The following CCDC102B variants were observed in gnomAD, a reference collection of about 807,000 sequenced individuals.
CCDC102B encodes coiled-coil domain-containing protein 102B.
CCDC102B carries 75 observed loss-of-function variants against 57.4 expected under a neutral mutation model. The observed-to-expected ratio is 1.31, with a 90% CI of 1.08 to 1.58. The LOEUF is 1.58. CCDC102B is among the 40% of genes most tolerant of loss of function. The pLI, the probability that CCDC102B is intolerant of heterozygous loss-of-function variation, is 0.00. For missense variants in CCDC102B, 636 were observed against 582.6 expected, an observed-to-expected ratio of 1.09 and a Z score of -0.94; for synonymous variants, 206 against 201.9, an observed-to-expected ratio of 1.02 and a Z score of -0.17.
chr18:68,932,476 T>TA (rs1176724692), intron 6 of CCDC102B, among the ~76,000 whole-genome samples: 1 of 151,918 alleles, frequency 6.6e-6, no homozygotes, highest in Non-Finnish European at 1.5e-5. Context: ...ATTATGTTGA[T>TA]AAAGATCATA....
intron 6 of CCDC102B, among the ~76,000 whole-genome samples, chr18:68,947,824 A>G (rs925175757): frequency 5.3e-5 from 8 of 152,094 alleles, no homozygotes; most frequent in African/African-American, 1.9e-4. Flanking sequence ...TTCTCTTCTC[A>G]TTCTGGTAAG....
At chr18:68,933,966 T>C (rs558375293) in intron 6 of CCDC102B, among the ~76,000 whole-genome samples, 1 of 151,966 alleles carries the variant, frequency 6.6e-6, no homozygotes, top group East Asian at 1.9e-4. Context: ...TAACAAAAAT[T>C]AGGCTTCCTT....
chr18:68,970,174 A>G (rs980122463), intron 6 of CCDC102B, among the ~76,000 whole-genome samples: 3 of 152,074 alleles, frequency 2.0e-5, no homozygotes, highest in African/African-American at 7.2e-5. Flanking sequence ...CCTGTATCTC[A>G]AATAGTAAAC....
chr18:68,896,771 T>G (rs1358083221), intron 5 of CCDC102B, among the ~76,000 whole-genome samples: 1 of 151,884 alleles, frequency 6.6e-6, no homozygotes, highest in Non-Finnish European at 1.5e-5. Context: ...GATAGAGAGA[T>G]AGAGAGATAG....
At chr18:68,874,170 A>ATGTG (rs34176363) in intron 4 of CCDC102B, among the ~76,000 whole-genome samples, 79 of 138,332 alleles carry the variant, frequency 5.7e-4, no homozygotes, top group African/African-American at 1.8e-3. Flanking sequence ...GTGTGTGTGT[A>ATGTG]TGTGTGTGTG....
chr18:68,870,400 C>A (rs776449439), intron 4 of CCDC102B, among the ~76,000 whole-genome samples: 16 of 152,282 alleles, frequency 1.1e-4, no homozygotes, highest in Non-Finnish European at 2.2e-4. Flanking sequence ...GACCCTTGAT[C>A]TCCCACGCTC....
At chr18:68,954,947 C>T (rs1278562881) in intron 6 of CCDC102B, among the ~76,000 whole-genome samples, 1 of 152,136 alleles carries the variant, frequency 6.6e-6, no homozygotes. Flanking sequence ...TGCTGTCTTA[C>T]AACAATGACA....
In CCDC102B at chr18:68,849,383, A is replaced by G. The variant is rs1027583479; in HGVS notation, c.936+2962A>G. ...CTTATTGCTATTCCTGTGGCTTAAA[A>G]AATTATTCCATAGAAGTGACTATAA... On this transcript the variant is annotated intron_variant, in intron 4 of 7. Coordinates refer to ENST00000360242, the MANE Select transcript of CCDC102B (RefSeq NM_024781.3). Among the ~76,000 whole-genome samples, 3 of 152,092 alleles carry G rather than the reference A, an allele frequency of 2.0e-5. No individual in the cohort carries two copies. In the South Asian group the frequency reaches 6.2e-4, roughly 32 times the overall value.
chr18:69,036,288 A>G (rs995332536), intron 7 of CCDC102B, among the ~76,000 whole-genome samples: 2 of 152,042 alleles, frequency 1.3e-5, no homozygotes, highest in Non-Finnish European at 2.9e-5. Flanking sequence ...AATTATGAAG[A>G]CTTAGAATAT....
At chr18:68,906,285 G>A (rs1261678635) in intron 6 of CCDC102B, among the ~76,000 whole-genome samples, 1 of 151,918 alleles carries the variant, frequency 6.6e-6, no homozygotes, top group East Asian at 1.9e-4. Context: ...CTGTAATCAT[G>A]CATGCACATG....
chr18:68,988,496 T>G (rs2145315844), intron 6 of CCDC102B, among the ~76,000 whole-genome samples: 1 of 151,004 alleles, frequency 6.6e-6, no homozygotes, highest in African/African-American at 2.4e-5. Context: ...CATTATGCAA[T>G]ATTTCCATGT....
chr18:68,888,727 C>G (rs1285966220), intron 5 of CCDC102B, among the ~76,000 whole-genome samples: 1 of 152,110 alleles, frequency 6.6e-6, no homozygotes. Context: ...CCTAATGCTT[C>G]ATATCAAGAG....
At chr18:68,957,028 G>T (rs1205718191) in intron 6 of CCDC102B, among the ~76,000 whole-genome samples, 1 of 151,554 alleles carries the variant, frequency 6.6e-6, no homozygotes, top group Non-Finnish European at 1.5e-5. Context: ...TCTAGTTATT[G>T]CTCCCTTGTC....
At chr18:68,895,352 G>T (rs1169974150) in intron 5 of CCDC102B, among the ~76,000 whole-genome samples, 1 of 151,312 alleles carries the variant, frequency 6.6e-6, no homozygotes, top group Non-Finnish European at 1.5e-5. Flanking sequence ...TACAATAATG[G>T]TACAATTATA....
At chr18:68,759,770 A>T (rs181213614) in intron 2 of CCDC102B, among the ~76,000 whole-genome samples, 1 of 152,176 alleles carries the variant, frequency 6.6e-6, no homozygotes, top group African/African-American at 2.4e-5. Flanking sequence ...AGATTTAGGG[A>T]AGTCTCGGAT....
intron 7 of CCDC102B, among the ~76,000 whole-genome samples, chr18:69,023,863 G>A (rs1280741568): frequency 6.6e-6 from 1 of 151,812 alleles, no homozygotes; most frequent in Non-Finnish European, 1.5e-5. Context: ...CTTCCTAGTT[G>A]GATTACCAAG....
At chr18:68,963,101 TATA>T (rs1348591366) in intron 6 of CCDC102B, among the ~76,000 whole-genome samples, 1 of 152,044 alleles carries the variant, frequency 6.6e-6, no homozygotes, top group Non-Finnish European at 1.5e-5. Flanking sequence ...TCTCACTATA[TATA>T]AAGATAAAAT....
intron 2 of CCDC102B, among the ~76,000 whole-genome samples, chr18:68,769,536 T>C (rs962451583): frequency 3.3e-5 from 5 of 152,154 alleles, no homozygotes; most frequent in Admixed American, 3.3e-4. Flanking sequence ...CCTCCTGGAA[T>C]GATCCCTAGA....
At chr18:68,941,587 G>A (rs1054091304) in intron 6 of CCDC102B, among the ~76,000 whole-genome samples, 2 of 152,062 alleles carry the variant, frequency 1.3e-5, no homozygotes, top group Non-Finnish European at 2.9e-5. Flanking sequence ...GTAAATGAAC[G>A]TCAATGTGAT....
Sources: gnomAD v4.1 joint callset for allele counts (sites outside exome capture counted in the v4.1 genomes callset) on GRCh38, gnomAD v4.1.1 for gene constraint, MANE v1.5 for transcripts, NCBI Gene and HGNC (gene_info 2026-07-23, HGNC 2026-07-21) for gene names.